Variants in UGT2B17 observed in about 807,000 individuals in gnomAD.
UGT2B17 encodes UDP-glucuronosyltransferase 2B17.
UGT2B17 carries 21 observed loss-of-function variants against 48.2 expected under a neutral mutation model. That is an observed-to-expected ratio of 0.44 (90% CI 0.31 to 0.63). UGT2B17 has a LOEUF of 0.63. Ranked by LOEUF, UGT2B17 falls within the 20% of genes least tolerant of loss-of-function variation. The probability of loss-of-function intolerance (pLI) is 0.08; values close to 1 mark genes in which losing one functional copy is unlikely to be tolerated. For synonymous variants in UGT2B17, 146 were observed against 238.4 expected, an observed-to-expected ratio of 0.61 and a Z score of 3.57; for missense variants, 402 against 696.1, an observed-to-expected ratio of 0.58 and a Z score of 4.75.
chr4:68,571,287 A>T (rs1731294469), intron 1 of UGT2B17, among the ~76,000 whole-genome samples: 1 of 124,944 alleles, frequency 8.0e-6, no homozygotes, highest in Non-Finnish European at 1.7e-5. Context: ...TCATGTTTTT[A>T]TGGGCAGTAA....
chr4:68,543,682 T>G (rs1361244564), intron 6 of UGT2B17, among the ~76,000 whole-genome samples: 1 of 122,464 alleles, frequency 8.2e-6, no homozygotes, highest in African/African-American at 2.8e-5. Flanking sequence ...GTAAAAACCT[T>G]GAAAAAAGAT....
rs1371322170 is a variant in UGT2B17 at position 68,560,166 on chromosome 4, CTT to C, written c.1005+369_1005+370del. On this transcript the variant is annotated intron_variant, in intron 4 of 6. Transcript: ENST00000317746. Reference sequence around the variant, plus strand: ...ACAGTAACTTATTAAAATTTTACCGCTTTTTGATAATATCTACAGTGTATACA... The same window carrying C: ...ACAGTAACTTATTAAAATTTTACCGCTTTGATAATATCTACAGTGTATACA... 1.1e-4 allele frequency among the ~76,000 whole-genome samples: 9 copies of C among 82,246 alleles called. 1 individual carries two copies. Among genetic ancestry groups the C allele is most frequent in the Non-Finnish European group, 1.7e-4 (7 of 40,168 alleles). 54.0% of individuals were successfully genotyped at this position (82,246 alleles called of 152,430 possible).
At chr4:68,549,277 G>T (rs1461163135) in intron 6 of UGT2B17, among the ~76,000 whole-genome samples, 1 of 119,768 alleles carries the variant, frequency 8.3e-6, no homozygotes, top group Non-Finnish European at 1.7e-5. Flanking sequence ...CTTGGATTAT[G>T]GAAAACTATT....
Position 68,550,610 on chromosome 4 carries a change from A to G in UGT2B17, c.1313+67T>C, listed in dbSNP as rs562476986. 2 of 1,206,554 alleles carry G rather than the reference A, an allele frequency of 1.7e-6. 1 individual carries two copies. The highest frequency in any genetic ancestry group is 4.3e-5 in the Admixed American group (2 of 46,794). The allele number at this position is 1,206,554 out of a possible 1,614,324, so 74.7% of individuals were successfully genotyped here. ...AAATTAGTCTCTTAACAAAGGGTTCAAACTCATATTCACTGTTGACAAAAT... is the reference window on the plus strand; with the variant it reads ...AAATTAGTCTCTTAACAAAGGGTTCGAACTCATATTCACTGTTGACAAAAT... On this transcript the variant is annotated intron_variant, in intron 6 of 6. Transcript: ENST00000317746.
intron 3 of UGT2B17, among the ~76,000 whole-genome samples, chr4:68,561,873 T>C (rs1731109939): frequency 8.1e-6 from 1 of 122,866 alleles, no homozygotes; most frequent in African/African-American, 2.8e-5. Flanking sequence ...CAAAATTGTA[T>C]ACTCATCTTT....
Position 68,568,102 on chromosome 4 carries a change from C to T in UGT2B17, c.383G>A (p.Cys128Tyr). ...TTTCTTGTTCAAAACTGCATCTTCA[C>T]AGAGCTTTATATTATAGTCAGAATA... Reference protein sequence around the residue: ...WEYSDYNIKLCEDAVLNKKLM... With the variant: ...WEYSDYNIKLYEDAVLNKKLM... The change falls in exon 2 of 7, where the codon TGT (cysteine) becomes TAT (tyrosine). Residue 128 changes from cysteine to tyrosine, a missense_variant. Physicochemically the swap from Cys to Tyr is radical, Grantham distance 194. Coordinates refer to ENST00000317746, the MANE Select transcript of UGT2B17 (RefSeq NM_001077.4). The T allele has an allele frequency of 7.2e-7, 1 of 1,382,740 alleles. No homozygotes were observed. Among genetic ancestry groups the T allele is most frequent in the Middle Eastern group, 1.9e-4 (1 of 5,202 alleles). The allele number at this position is 1,382,740 out of a possible 1,614,324, so 85.7% of individuals were successfully genotyped here.
Position 68,559,896 on chromosome 4 carries a change from G to T in UGT2B17, c.1005+641C>A, listed in dbSNP as rs1214347685. On this transcript the variant is annotated intron_variant, in intron 4 of 6. Transcript: ENST00000317746. Reference sequence around the variant, plus strand: ...CATTTTTCTGCTTAAGACATTAGCGGCACCCAAGCCAGCAGAGCAGACAAG... The same window carrying T: ...CATTTTTCTGCTTAAGACATTAGCGTCACCCAAGCCAGCAGAGCAGACAAG... 1.6e-5 allele frequency among the ~76,000 whole-genome samples: 2 copies of T among 124,346 alleles called. 1 individual carries two copies. Among genetic ancestry groups the T allele is most frequent in the Non-Finnish European group, 3.4e-5 (2 of 59,100 alleles). The allele number at this position is 124,346 out of a possible 152,430, so 81.6% of individuals were successfully genotyped here.
intron 6 of UGT2B17, among the ~76,000 whole-genome samples, chr4:68,549,339 C>T (rs1306838028): frequency 1.4e-5 from 1 of 69,814 alleles, no homozygotes; most frequent in Non-Finnish European, 3.6e-5. Context: ...AGGCATCCTC[C>T]AAAAAGTAAA....
intron 6 of UGT2B17, among the ~76,000 whole-genome samples, chr4:68,546,971 G>A (rs1730824164): frequency 1.6e-5 from 2 of 125,472 alleles, no homozygotes; most frequent in Admixed American, 8.2e-5. Context: ...TGGGTAGGAA[G>A]AATCAATATC....
At chr4:68,543,103 A>G (rs758705820) in intron 6 of UGT2B17, among the ~76,000 whole-genome samples, 4 of 126,176 alleles carry the variant, frequency 3.2e-5, no homozygotes, top group Non-Finnish European at 5.0e-5. Flanking sequence ...TGGTTCTCCC[A>G]GCACGCAGCT....
chr4:68,572,475 T>C (rs528084830), intron 1 of UGT2B17, among the ~76,000 whole-genome samples: 1 of 126,782 alleles, frequency 7.9e-6, no homozygotes, highest in African/African-American at 2.7e-5. Flanking sequence ...CTATTTAATT[T>C]TTTTAGAGTC....
chr4:68,573,538 G>A lies in UGT2B17; in HGVS notation c.-65+2413C>T, dbSNP rs1294763233. On this transcript the variant is annotated intron_variant, in intron 1 of 6. Transcript: ENST00000317746. ...GATCTGGTATTCCTTGCAGGGCTTCGATTGCATCTAAATAGATGTGAGAGT... is the reference window on the plus strand; with the variant it reads ...GATCTGGTATTCCTTGCAGGGCTTCAATTGCATCTAAATAGATGTGAGAGT... 4.8e-5 allele frequency among the ~76,000 whole-genome samples: 6 copies of A among 126,250 alleles called. 1 individual carries two copies. Among genetic ancestry groups the A allele is most frequent in the African/African-American group, 1.4e-4 (5 of 36,792 alleles). The allele number at this position is 126,250 out of a possible 152,430, so 82.8% of individuals were successfully genotyped here. A position where few individuals can be genotyped will look rare whatever the true frequency, so the allele number is the denominator to read the frequency against.
Position 68,571,346 on chromosome 4 carries a change from A to T in UGT2B17, c.-64-2798T>A, listed in dbSNP as rs558877857. Among the ~76,000 whole-genome samples, 7 of 125,718 alleles carry T rather than the reference A, an allele frequency of 5.6e-5. 2 individuals are homozygous for T. Among genetic ancestry groups the T allele is most frequent in the African/African-American group, 1.9e-4 (7 of 36,772 alleles). The allele number at this position is 125,718 out of a possible 152,430, so 82.5% of individuals were successfully genotyped here. On this transcript the variant is annotated intron_variant, in intron 1 of 6. Transcript: ENST00000317746. ...GAATTACACAGCTACCTGTCTACTG[A>T]TCAGGCAGCTTAGCATAAGCTTTGT...
intron 3 of UGT2B17, among the ~76,000 whole-genome samples, chr4:68,561,956 A>G (rs1191088134): frequency 8.1e-6 from 1 of 123,962 alleles, no homozygotes; most frequent in South Asian, 3.8e-4. Flanking sequence ...TTCTATCATA[A>G]CAAATATACT....
At chr4:68,567,223 G>A (rs1254652780) in intron 2 of UGT2B17, among the ~76,000 whole-genome samples, 1 of 124,876 alleles carries the variant, frequency 8.0e-6, no homozygotes, top group African/African-American at 2.7e-5. Flanking sequence ...TTGAAGGAAT[G>A]TATAAATATT....
chr4:68,539,775 C>G lies in UGT2B17; in HGVS notation c.1314-1871G>C, dbSNP rs1214320931. On this transcript the variant is annotated intron_variant, in intron 6 of 6. Coordinates refer to ENST00000317746, the MANE Select transcript of UGT2B17 (RefSeq NM_001077.4). ...GGTCAATTCCAGTAACTATTTCATACATATAATCTTTTTTTTTTTTTTTTT... is the reference window on the plus strand; with the variant it reads ...GGTCAATTCCAGTAACTATTTCATAGATATAATCTTTTTTTTTTTTTTTTT... Among the ~76,000 whole-genome samples the G allele has an allele frequency of 1.8e-5, 2 of 113,406 alleles. 1 individual carries two copies. The highest frequency in any genetic ancestry group is 3.6e-5 in the Non-Finnish European group (2 of 56,188). 74.4% of individuals were successfully genotyped at this position (113,406 alleles called of 152,430 possible).
intron 4 of UGT2B17, among the ~76,000 whole-genome samples, chr4:68,553,474 TG>T (rs1337270656): frequency 7.9e-6 from 1 of 126,500 alleles, no homozygotes; most frequent in Non-Finnish European, 1.7e-5. Flanking sequence ...CTCACCCCTT[TG>T]GGGGTGCTCT....
At chr4:68,575,002 C>CTTTA (rs1446723377) in intron 1 of UGT2B17, among the ~76,000 whole-genome samples, 1 of 110,000 alleles carries the variant, frequency 9.1e-6, no homozygotes, top group African/African-American at 3.1e-5. Flanking sequence ...AGTGAACTTT[C>CTTTA]TTTATGTCTT....
chr4:68,562,273 G>A (rs1731118172), intron 3 of UGT2B17, among the ~76,000 whole-genome samples: 2 of 123,492 alleles, frequency 1.6e-5, no homozygotes, highest in African/African-American at 2.8e-5. Flanking sequence ...CTGCCACCAC[G>A]CCTGGCTAAT....
Sources: gnomAD v4.1 joint callset for allele counts (sites outside exome capture counted in the v4.1 genomes callset) on GRCh38, gnomAD v4.1.1 for gene constraint, MANE v1.5 for transcripts, NCBI Gene and HGNC (gene_info 2026-07-23, HGNC 2026-07-21) for gene names.